MAD1L1: variants seen among roughly 807,000 people sequenced by gnomAD.
The protein encoded by MAD1L1 is mitotic spindle assembly checkpoint protein MAD1.
In MAD1L1, 95 loss-of-function variants were observed where a neutral mutation model predicts 96.9. The observed-to-expected ratio is 0.98, with a 90% CI of 0.83 to 1.16. The LOEUF (loss-of-function observed/expected upper bound fraction) is 1.16. Among genes scored for constraint, MAD1L1 ranks in the 50% most tolerant of loss-of-function variants. The pLI is 0.00. For synonymous variants in MAD1L1, 473 were observed against 396.6 expected (o/e 1.19, Z -2.29); for missense variants, 1,007 against 954.4 (o/e 1.06, Z -0.73).
At chr7:2,102,945 C>T (rs1188129335) in intron 11 of MAD1L1, among the ~76,000 whole-genome samples, 1 of 152,202 alleles carries the variant, frequency 6.6e-6, no homozygotes, top group African/African-American at 2.4e-5. Flanking sequence ...GTATAAGGCA[C>T]ACGGAGAAAA....
At position 1,905,062 on chromosome 7, in the gene MAD1L1, T is replaced by C. The variant is rs370195703; in HGVS notation, c.1808-6672A>G. On this transcript the variant is annotated intron_variant, in intron 17 of 18. Transcript: ENST00000265854. ...AGGATGCAGTGGCCTATGGAAGACG[T>C]TCTTGTGGAACTCATGATTGATGAA... Among the ~76,000 whole-genome samples, 112 of 53,394 alleles carry C rather than the reference T, an allele frequency of 2.1e-3. 2 individuals carry two copies. The highest frequency in any genetic ancestry group is 0.017 in the Middle Eastern group (1 of 58). 35.0% of individuals were successfully genotyped at this position (53,394 alleles called of 152,430 possible).
intron 18 of MAD1L1, among the ~76,000 whole-genome samples, chr7:1,887,802 GCTGC>G (rs1481988514): frequency 7.3e-6 from 1 of 136,808 alleles, no homozygotes; most frequent in Non-Finnish European, 1.5e-5. Context: ...CATGTATGTG[GCTGC>G]CTGTGTGTGT....
chr7:2,113,854 T>C (rs1160617302), intron 11 of MAD1L1, among the ~76,000 whole-genome samples: 2 of 152,102 alleles, frequency 1.3e-5, no homozygotes, highest in African/African-American at 4.8e-5. Flanking sequence ...CTGAGGAACA[T>C]CCACAAAACA....
At chr7:2,060,186 C>CGCCG (rs1784583010) in intron 12 of MAD1L1, among the ~76,000 whole-genome samples, 1 of 150,186 alleles carries the variant, frequency 6.7e-6, no homozygotes, top group African/African-American at 2.5e-5. Context: ...TGCCGAGATA[C>CGCCG]ACCGATGCCA....
rs544940570 is a variant in MAD1L1 at position 1,941,604 on chromosome 7, C to T, written c.1597-4707G>A. ...GTCCGGGCTGGGACCAGCCCCCAGG[C>T]TTGTCCTCCTCAGCCGCTACGCATG... On this transcript the variant is annotated intron_variant, in intron 16 of 18. Coordinates refer to ENST00000265854, the MANE Select transcript of MAD1L1 (RefSeq NM_001013836.2). Among the ~76,000 whole-genome samples, 4 of 152,350 alleles carry T rather than the reference C, an allele frequency of 2.6e-5. No homozygotes were observed. In the East Asian group the frequency reaches 5.8e-4, roughly 22 times the overall value.
chr7:2,160,873 C>A (rs1012679776), intron 10 of MAD1L1, among the ~76,000 whole-genome samples: 6 of 152,030 alleles, frequency 3.9e-5, no homozygotes, highest in South Asian at 2.1e-4. Context: ...AGTATTGCAA[C>A]CTTATATTGC....
intron 12 of MAD1L1, among the ~76,000 whole-genome samples, chr7:2,050,639 G>A (rs1161822945): frequency 6.6e-6 from 1 of 151,928 alleles, no homozygotes; most frequent in African/African-American, 2.4e-5. Flanking sequence ...CACCCACCCA[G>A]ACTGTGGTGC....
intron 17 of MAD1L1, among the ~76,000 whole-genome samples, chr7:1,923,835 G>C (rs1363407764): frequency 6.6e-6 from 1 of 152,238 alleles, no homozygotes; most frequent in Non-Finnish European, 1.5e-5. Flanking sequence ...CCACAGGTGT[G>C]AGAGTTGGAC....
chr7:2,176,221 G>C (rs995167168), intron 10 of MAD1L1, among the ~76,000 whole-genome samples: 1 of 152,194 alleles, frequency 6.6e-6, no homozygotes, highest in African/African-American at 2.4e-5. Flanking sequence ...GGTGGCACAT[G>C]CCTGTAATCC....
intron 18 of MAD1L1, 112 bp downstream of exon 18, chr7:1,898,088 A>G (rs767839352): frequency 1.7e-6 from 2 of 1,162,282 alleles, no homozygotes; most frequent in Non-Finnish European, 2.5e-6. Flanking sequence ...AGCCCTCCAC[A>G]CCATCCCCTT....
At chr7:1,952,396 C>G (rs529417649) in intron 16 of MAD1L1, among the ~76,000 whole-genome samples, 1 of 152,234 alleles carries the variant, frequency 6.6e-6, no homozygotes, top group Non-Finnish European at 1.5e-5. Context: ...TTGGTCCCGC[C>G]AGGACCTAAC....
At chr7:2,115,384 G>A (rs1584357968) in intron 11 of MAD1L1, among the ~76,000 whole-genome samples, 1 of 148,592 alleles carries the variant, frequency 6.7e-6, no homozygotes, top group South Asian at 2.2e-4. Flanking sequence ...TCCGGGGTCA[G>A]AGGAGGCGGT....
intron 15 of MAD1L1, among the ~76,000 whole-genome samples, chr7:1,975,374 C>A (rs1780589846): frequency 6.6e-6 from 1 of 152,202 alleles, no homozygotes; most frequent in Non-Finnish European, 1.5e-5. Context: ...AGACCCGGCC[C>A]AGCCAGCAGG....
At chr7:2,017,663 C>T (rs1782602843) in intron 12 of MAD1L1, among the ~76,000 whole-genome samples, 1 of 152,212 alleles carries the variant, frequency 6.6e-6, no homozygotes, top group African/African-American at 2.4e-5. Flanking sequence ...GCCCAGAGGA[C>T]CCTTGCGAAA....
At chr7:2,026,688 T>C (rs1298971150) in intron 12 of MAD1L1, among the ~76,000 whole-genome samples, 2 of 152,180 alleles carry the variant, frequency 1.3e-5, no homozygotes, top group African/African-American at 2.4e-5. Flanking sequence ...TGTTTCTGAA[T>C]AGCCCATTGG....
intron 10 of MAD1L1, among the ~76,000 whole-genome samples, chr7:2,210,262 G>A (rs866521149): frequency 7.2e-5 from 11 of 152,210 alleles, no homozygotes; most frequent in African/African-American, 2.4e-4. Context: ...TACACACGGG[G>A]TCTCAACTGC....
At chr7:2,081,880 G>C (rs1192616271) in intron 11 of MAD1L1, among the ~76,000 whole-genome samples, 1 of 152,224 alleles carries the variant, frequency 6.6e-6, no homozygotes, top group Non-Finnish European at 1.5e-5. Context: ...CAGAGATCAC[G>C]GGACCCCTGG....
chr7:1,875,117 G>C (rs925704846), intron 18 of MAD1L1, among the ~76,000 whole-genome samples: 1 of 152,162 alleles, frequency 6.6e-6, no homozygotes, highest in East Asian at 1.9e-4. Flanking sequence ...TTCTGCCCCA[G>C]AGACGACTAA....
At chr7:1,995,237 A>G (rs1170242558) in intron 14 of MAD1L1, among the ~76,000 whole-genome samples, 2 of 152,248 alleles carry the variant, frequency 1.3e-5, no homozygotes, top group Admixed American at 1.3e-4. Flanking sequence ...CGGGGCACGC[A>G]CTGAGGATGA....
Sources: gnomAD v4.1 joint callset for allele counts (sites outside exome capture counted in the v4.1 genomes callset) on GRCh38, gnomAD v4.1.1 for gene constraint, MANE v1.5 for transcripts, NCBI Gene and HGNC (gene_info 2026-07-23, HGNC 2026-07-21) for gene names.